THSD7B: variants seen among roughly 807,000 people sequenced by gnomAD.
The protein encoded by THSD7B is thrombospondin type 1 domain containing 7B.
Under a neutral mutation model 213.6 loss-of-function variants are expected in THSD7B, and 138 were observed. That is an observed-to-expected ratio of 0.65 (90% CI 0.56 to 0.74). The LOEUF (loss-of-function observed/expected upper bound fraction) is 0.74. THSD7B is among the 30% of genes least tolerant of loss of function. The pLI, the probability that THSD7B is intolerant of heterozygous loss-of-function variation, is 0.00. For missense variants in THSD7B, 1,931 were observed against 1,991.5 expected, an observed-to-expected ratio of 0.97 and a Z score of 0.58; for synonymous variants, 742 against 687.0, an observed-to-expected ratio of 1.08 and a Z score of -1.25.
intron 2 of THSD7B, among the ~76,000 whole-genome samples, chr2:137,013,919 C>T (rs1170198278): frequency 2.0e-5 from 3 of 152,174 alleles, no homozygotes; most frequent in Non-Finnish European, 4.4e-5. Context: ...CAGTCTGTTA[C>T]ATTCATGTTG....
At chr2:137,383,263 G>A (rs756319623) in intron 12 of THSD7B, among the ~76,000 whole-genome samples, 19 of 152,188 alleles carry the variant, frequency 1.2e-4, no homozygotes, top group Non-Finnish European at 2.6e-4. Context: ...TTGGCTTAAT[G>A]TATAAAGCAA....
chr2:137,150,021 C>A lies in THSD7B; in HGVS notation c.1370-10192C>A, dbSNP rs549905132. ...GTTTGGGAGGCCGAGGCGGGCAGATCACCTGAGGTCAGGAGTTCGAGACCA... is the reference window on the plus strand; with the variant it reads ...GTTTGGGAGGCCGAGGCGGGCAGATAACCTGAGGTCAGGAGTTCGAGACCA... On this transcript the variant is annotated intron_variant, in intron 5 of 27. Transcript: ENST00000409968. Among the ~76,000 whole-genome samples the A allele has an allele frequency of 3.5e-4, 54 of 152,226 alleles. No individual in the cohort carries two copies. In the East Asian group the frequency reaches 4.7e-3, roughly 13 times the overall value.
chr2:137,301,168 A>G (rs1213852421), intron 12 of THSD7B, among the ~76,000 whole-genome samples: 1 of 152,118 alleles, frequency 6.6e-6, no homozygotes, highest in Non-Finnish European at 1.5e-5. Context: ...GTTAATGTTC[A>G]CTACAGACAT....
chr2:136,895,707 C>T (rs1423627177), intron 2 of THSD7B, among the ~76,000 whole-genome samples: 1 of 151,918 alleles, frequency 6.6e-6, no homozygotes, highest in Non-Finnish European at 1.5e-5. Context: ...GACATCAACA[C>T]AATCTAATTT....
chr2:137,483,716 T>G (rs541622596), intron 15 of THSD7B, among the ~76,000 whole-genome samples: 127 of 152,166 alleles, frequency 8.3e-4, no homozygotes, highest in African/African-American at 3.1e-3. Flanking sequence ...TTCTAACAAG[T>G]AGAAAATGGG....
chr2:137,529,839 A>T (rs959972275), intron 15 of THSD7B, among the ~76,000 whole-genome samples: 5 of 152,136 alleles, frequency 3.3e-5, no homozygotes, highest in African/African-American at 1.2e-4. Flanking sequence ...ACATGTCAGC[A>T]CTTAGAGAAG....
chr2:137,533,647 CA>C (rs1399561129), intron 15 of THSD7B, among the ~76,000 whole-genome samples: 1 of 151,886 alleles, frequency 6.6e-6, no homozygotes, highest in East Asian at 1.9e-4. Flanking sequence ...AATAACTCTT[CA>C]AAAGAAGAAA....
At chr2:137,263,385 A>G (rs1162361888) in intron 10 of THSD7B, among the ~76,000 whole-genome samples, 1 of 152,156 alleles carries the variant, frequency 6.6e-6, no homozygotes, top group Non-Finnish European at 1.5e-5. Context: ...CCCACATAGG[A>G]CAAGTAAGAA....
At chr2:137,624,888 G>T (rs996255774) in intron 20 of THSD7B, among the ~76,000 whole-genome samples, 2 of 152,122 alleles carry the variant, frequency 1.3e-5, no homozygotes, top group African/African-American at 2.4e-5. Context: ...GACTGTAAAC[G>T]AGTTCAACCA....
At chr2:137,417,788 C>A (rs13004085) in intron 14 of THSD7B, among the ~76,000 whole-genome samples, 1 of 151,946 alleles carries the variant, frequency 6.6e-6, no homozygotes, top group Non-Finnish European at 1.5e-5. Context: ...ATATCAAAGA[C>A]AGGACACATG....
intron 12 of THSD7B, among the ~76,000 whole-genome samples, chr2:137,342,776 C>G (rs1293363971): frequency 6.6e-6 from 1 of 151,362 alleles, no homozygotes; most frequent in Non-Finnish European, 1.5e-5. Flanking sequence ...TTTTTTATAC[C>G]TAAAGAGATG....
At chr2:137,086,373 A>C (rs1212938275) in intron 3 of THSD7B, among the ~76,000 whole-genome samples, 1 of 152,074 alleles carries the variant, frequency 6.6e-6, no homozygotes, top group African/African-American at 2.4e-5. Flanking sequence ...TTAAAAAAAA[A>C]AATCTTGTAG....
rs1470261211 is a variant in THSD7B, at chr2:137,184,984, TTTTTG to T, written c.1723+14058_1723+14062del. Among the ~76,000 whole-genome samples the T allele has an allele frequency of 3.9e-5, 6 of 152,278 alleles. No homozygotes were observed. In the East Asian group the frequency reaches 7.7e-4, roughly 20 times the overall value. On this transcript the variant is annotated intron_variant, in intron 7 of 27. Coordinates refer to ENST00000409968, the MANE Select transcript of THSD7B (RefSeq NM_001316349.2). Reference sequence around the variant, plus strand: ...TAGTCACAGATGAATGACTTTTAGCTTTTTGTTTTGTTTTGTCATTCCCTCATTCT... The same window carrying T: ...TAGTCACAGATGAATGACTTTTAGCTTTTTGTTTTGTCATTCCCTCATTCT...
intron 1 of THSD7B, among the ~76,000 whole-genome samples, chr2:136,865,978 G>T (rs922945558): frequency 8.5e-5 from 13 of 152,188 alleles, no homozygotes; most frequent in Non-Finnish European, 1.9e-4. Flanking sequence ...TGACCTGTAA[G>T]ATGACATATT....
chr2:137,301,062 AC>A (rs1171817802), intron 12 of THSD7B, among the ~76,000 whole-genome samples: 1 of 152,108 alleles, frequency 6.6e-6, no homozygotes, highest in Non-Finnish European at 1.5e-5. Context: ...GGAATTTATA[AC>A]TTTTATTGTA....
chr2:137,484,111 C>T (rs1688370873), intron 15 of THSD7B, among the ~76,000 whole-genome samples: 1 of 151,448 alleles, frequency 6.6e-6, no homozygotes, highest in South Asian at 2.1e-4. Flanking sequence ...TGCTGGTGTG[C>T]TGCACCCATT....
intron 2 of THSD7B, among the ~76,000 whole-genome samples, chr2:136,929,353 G>A (rs1300215361): frequency 6.6e-6 from 1 of 152,134 alleles, no homozygotes; most frequent in African/African-American, 2.4e-5. Flanking sequence ...GTCCCCACTT[G>A]CTATGACTTC....
At chr2:137,250,665 G>A (rs1368479798) in intron 10 of THSD7B, among the ~76,000 whole-genome samples, 2 of 152,154 alleles carry the variant, frequency 1.3e-5, no homozygotes, top group African/African-American at 2.4e-5. Context: ...AGTAGTGAAT[G>A]AAACATACAG....
intron 15 of THSD7B, among the ~76,000 whole-genome samples, chr2:137,535,151 T>C (rs540047315): frequency 6.6e-6 from 1 of 152,020 alleles, no homozygotes; most frequent in Admixed American, 6.6e-5. Context: ...TTTTTACTCC[T>C]GGTTAATGTT....
Sources: gnomAD v4.1 joint callset for allele counts (sites outside exome capture counted in the v4.1 genomes callset) on GRCh38, gnomAD v4.1.1 for gene constraint, MANE v1.5 for transcripts, NCBI Gene and HGNC (gene_info 2026-07-23, HGNC 2026-07-21) for gene names.